Variants in LARGE1 observed in about 807,000 individuals in gnomAD.
LARGE1 encodes the protein LARGE xylosyl- and glucuronyltransferase 1, also known as xylosyl- and glucuronyltransferase LARGE1.
A neutral mutation model predicts 87.6 loss-of-function variants in LARGE1; 43 were observed. The ratio of observed to expected loss-of-function variants is 0.49; its 90% confidence interval spans 0.38 to 0.63. The LOEUF is 0.63. LARGE1 is among the 30% of genes least tolerant of loss of function. The pLI, the probability that LARGE1 is intolerant of heterozygous loss-of-function variation, is 0.00. For missense variants in LARGE1, 802 were observed against 1,000.2 expected (o/e 0.80, Z 2.67); for synonymous variants, 434 against 394.6 (o/e 1.10, Z -1.18).
intron 11 of LARGE1, among the ~76,000 whole-genome samples, chr22:33,238,823 T>C (rs1473894884): frequency 6.6e-6 from 1 of 152,168 alleles, no homozygotes; most frequent in African/African-American, 2.4e-5. Flanking sequence ...ATTACTGAAG[T>C]AGTGGTTCCT....
chr22:33,908,500 A>C (rs1393218320), intron 1 of LARGE1, among the ~76,000 whole-genome samples: 1 of 147,398 alleles, frequency 6.8e-6, no homozygotes, highest in African/African-American at 2.5e-5. Flanking sequence ...AAATCAGTAA[A>C]GAAGAAAATG....
intron 1 of LARGE1, among the ~76,000 whole-genome samples, chr22:33,844,112 C>T (rs1414122339): frequency 6.6e-6 from 1 of 151,418 alleles, no homozygotes; most frequent in Middle Eastern, 3.2e-3. Flanking sequence ...AAAAAACCTC[C>T]AATTTACAGA....
intron 1 of LARGE1, among the ~76,000 whole-genome samples, chr22:33,788,626 C>G (rs2085726521): frequency 6.6e-6 from 1 of 152,104 alleles, no homozygotes; most frequent in African/African-American, 2.4e-5. Flanking sequence ...AAGGTGGTCT[C>G]AGATGGAGAT....
At chr22:33,192,762 C>G (rs977243021) in intron 11 of LARGE1, among the ~76,000 whole-genome samples, 2 of 152,048 alleles carry the variant, frequency 1.3e-5, no homozygotes, top group Middle Eastern at 3.2e-3. Context: ...TGTCAAGAGG[C>G]TTTTTCTCTG....
Position 33,304,420 on chromosome 22 carries a change from G to T in LARGE1, c.1539C>A (p.Phe513Leu). 1.2e-6 allele frequency: 2 copies of T among 1,614,240 alleles called. No individual in the cohort carries two copies. The highest frequency in any genetic ancestry group is 1.3e-5 in the African/African-American group (1 of 75,070). Residue 513 changes from phenylalanine to leucine, a missense_variant, in exon 12 of 15, where the codon TTC becomes TTA. Transcript: ENST00000397394. ...CCTCAGAGCCCTGTGCGTAGCGGAG[G>T]AACTGCTGGGCCTCGGCGTCTGACA... ...LYLSDAEAQQ[F>L]LRYAQGSEVL...
chr22:33,135,444 T>C, the LARGE1 span, among the ~76,000 whole-genome samples: 3 of 152,240 alleles, frequency 2.0e-5, no homozygotes, highest in African/African-American at 7.2e-5. Flanking sequence ...TATCATTAAA[T>C]ACATTTTAGA....
rs573733175 is a variant in LARGE1, at chr22:33,689,939, G to T, written c.107-39271C>A. Among the ~76,000 whole-genome samples the T allele has an allele frequency of 2.5e-4, 38 of 151,876 alleles. 3 individuals carry two copies. Among genetic ancestry groups the T allele is most frequent in the African/African-American group, 8.2e-4 (34 of 41,482 alleles). ...GAGACTCTGTCTCAAAAAAAAAAAGGAGGGAAAAATGATATGAATAACTAA... is the reference window on the plus strand; with the variant it reads ...GAGACTCTGTCTCAAAAAAAAAAAGTAGGGAAAAATGATATGAATAACTAA... On this transcript the variant is annotated intron_variant, in intron 2 of 14. Coordinates refer to ENST00000397394, the MANE Select transcript of LARGE1 (RefSeq NM_133642.5).
In LARGE1 at chr22:33,743,061, G is replaced by A. The variant is rs150629265; in HGVS notation, c.106+18310C>T. On this transcript the variant is annotated intron_variant, in intron 2 of 14. Transcript: ENST00000397394. ...TTTAAAAAGCGTATGGCACCTCCCC[G>A]TATTCTCTCTCCTGCTTCTCCTCTG... is the stretch of plus-strand genomic sequence containing the variant. 4.2e-3 allele frequency: 636 copies of A among 152,024 alleles called. 7 individuals carry two copies. Among genetic ancestry groups the A allele is most frequent in the Admixed American group, 0.015 (235 of 15,268 alleles). The allele number at this position is 152,024 out of a possible 1,614,324, so 9.4% of individuals were successfully genotyped here. A position where few individuals can be genotyped will look rare whatever the true frequency, so the allele number is the denominator to read the frequency against.
chr22:33,146,589 C>T, the LARGE1 span, among the ~76,000 whole-genome samples: 1 of 152,118 alleles, frequency 6.6e-6, no homozygotes, highest in African/African-American at 2.4e-5. Context: ...CTGGTGGCTG[C>T]AACAATCATC....
the LARGE1 span, among the ~76,000 whole-genome samples, chr22:33,087,068 C>CT: frequency 6.6e-6 from 1 of 151,906 alleles, no homozygotes; most frequent in Non-Finnish European, 1.5e-5. Flanking sequence ...TTGTTTCTTT[C>CT]TTTTTTTCTT....
chr22:33,484,765 T>A (rs2069492207), intron 6 of LARGE1, among the ~76,000 whole-genome samples: 1 of 152,184 alleles, frequency 6.6e-6, no homozygotes. Flanking sequence ...TTATTCCTGT[T>A]CAGCTTCTCT....
intron 1 of LARGE1, among the ~76,000 whole-genome samples, chr22:33,807,902 C>T (rs1266067093): frequency 6.6e-6 from 1 of 152,150 alleles, no homozygotes; most frequent in Non-Finnish European, 1.5e-5. Flanking sequence ...ATCCATTCAC[C>T]TACTTAAGGA....
At chr22:33,442,032 T>A (rs1000649061) in intron 6 of LARGE1, among the ~76,000 whole-genome samples, 19 of 152,368 alleles carry the variant, frequency 1.2e-4, no homozygotes, top group African/African-American at 4.6e-4. Flanking sequence ...GGCTCAGGGA[T>A]AATCCCTTCT....
intron 9 of LARGE1, among the ~76,000 whole-genome samples, chr22:33,359,446 T>G (rs1014016805): frequency 6.6e-6 from 1 of 152,172 alleles, no homozygotes; most frequent in African/African-American, 2.4e-5. Flanking sequence ...GGAAAACTCC[T>G]TTTCATCTTT....
chr22:33,833,044 C>G (rs932480823), intron 1 of LARGE1, among the ~76,000 whole-genome samples: 1 of 152,102 alleles, frequency 6.6e-6, no homozygotes, highest in Non-Finnish European at 1.5e-5. Context: ...CTGCAGGATG[C>G]CCCAGTGCAG....
chr22:33,749,099 G>A (rs2084213818), intron 2 of LARGE1, among the ~76,000 whole-genome samples: 1 of 152,238 alleles, frequency 6.6e-6, no homozygotes, highest in Non-Finnish European at 1.5e-5. Context: ...TAACAGCGGT[G>A]TAAGCTACAG....
the LARGE1 span, among the ~76,000 whole-genome samples, chr22:33,091,878 GTTC>G: frequency 2.0e-5 from 3 of 152,090 alleles, no homozygotes; most frequent in South Asian, 2.1e-4. Flanking sequence ...TAGTCTTCAT[GTTC>G]TTCTTCTTCG....
intron 7 of LARGE1, among the ~76,000 whole-genome samples, chr22:33,396,935 A>C (rs1011149711): frequency 3.9e-5 from 6 of 152,302 alleles, no homozygotes; most frequent in African/African-American, 1.4e-4. Flanking sequence ...TGCTTTTATA[A>C]GCAAACTTTT....
intron 2 of LARGE1, among the ~76,000 whole-genome samples, chr22:33,709,993 A>C (rs1202167552): frequency 6.6e-6 from 1 of 151,732 alleles, no homozygotes; most frequent in Non-Finnish European, 1.5e-5. Flanking sequence ...AAAAAAAAAA[A>C]AAAAAAAGGA....
Sources: gnomAD v4.1 joint callset for allele counts (sites outside exome capture counted in the v4.1 genomes callset) on GRCh38, gnomAD v4.1.1 for gene constraint, MANE v1.5 for transcripts, NCBI Gene and HGNC (gene_info 2026-07-23, HGNC 2026-07-21) for gene names.